LRP1B: variants seen among roughly 807,000 people sequenced by gnomAD.
LRP1B encodes LDL receptor related protein 1B, also known as low-density lipoprotein receptor-related protein 1B.
A neutral mutation model predicts 556.6 loss-of-function variants in LRP1B; 217 were observed. The observed-to-expected ratio is 0.39, with a 90% CI of 0.35 to 0.44. The LOEUF (loss-of-function observed/expected upper bound fraction) is 0.44, where lower values mean the gene tolerates loss of function less well. Ranked by LOEUF, LRP1B falls within the 20% of genes least tolerant of loss-of-function variation. The probability of loss-of-function intolerance (pLI) is 1.00; values close to 1 mark genes in which losing one functional copy is unlikely to be tolerated. For synonymous variants in LRP1B, 2,047 were observed against 1,865.8 expected, an observed-to-expected ratio of 1.10 and a Z score of -2.50; for missense variants, 5,053 against 5,620.8, an observed-to-expected ratio of 0.90 and a Z score of 3.23.
At chr2:140,378,325 T>C (rs1211730779) in intron 67 of LRP1B, 39 bp from the exon 68 acceptor site, 3 of 1,085,848 alleles carry the variant, frequency 2.8e-6, no homozygotes, top group Admixed American at 1.9e-5. Context: ...TTCTATTATA[T>C]GTAAGTGCAT....
Position 141,188,615 on chromosome 2 carries a change from A to T in LRP1B, c.851-32T>A, listed in dbSNP as rs556508869. ...AACACATACACAAAATCATTGAATC[A>T]CAGGTGCAATCTAGCATCATGATCC... On this transcript the variant is annotated intron_variant, in intron 6 of 90. Transcript: ENST00000389484. 9.6e-5 allele frequency: 154 copies of T among 1,596,092 alleles called. 2 individuals carry two copies. In the South Asian group the frequency reaches 1.6e-3, roughly 16 times the overall value.
intron 2 of LRP1B, among the ~76,000 whole-genome samples, chr2:141,528,596 C>G (rs1017605561): frequency 1.3e-5 from 2 of 152,128 alleles, no homozygotes; most frequent in African/African-American, 2.4e-5. Context: ...ATAGTACACA[C>G]AAATATTTCA....
chr2:141,954,977 C>T (rs1701207913), intron 1 of LRP1B, among the ~76,000 whole-genome samples: 1 of 152,006 alleles, frequency 6.6e-6, no homozygotes, highest in East Asian at 1.9e-4. Context: ...GTTCCCATTG[C>T]CCAAATAAAG....
intron 1 of LRP1B, among the ~76,000 whole-genome samples, chr2:142,044,880 A>T (rs1184967734): frequency 6.6e-6 from 1 of 151,798 alleles, no homozygotes; most frequent in Non-Finnish European, 1.5e-5. Context: ...ATACAGATAC[A>T]TGCTAATATC....
At position 140,907,902 on chromosome 2, in the gene LRP1B, A is replaced by G. The variant is rs1424928562; in HGVS notation, c.3495T>C (p.Asp1165=). The G allele has an allele frequency of 6.2e-7, 1 of 1,613,496 alleles. No homozygotes were observed. The highest frequency in any genetic ancestry group is 8.5e-7 in the Non-Finnish European group (1 of 1,179,554). The change falls in exon 22 of 91, where the codon GAT becomes GAC. Residue 1165 remains aspartate, a synonymous_variant. Transcript: ENST00000389484. ...CACAGAGATAGCCTTCATCAGAGCC[A>G]TCAGGACAATCCTTTTTCCCATTGC... ...KLCNGKKDCP[D]GSDEGYLCDE...
chr2:141,423,049 A>G (rs1680200306), intron 3 of LRP1B, among the ~76,000 whole-genome samples: 1 of 152,228 alleles, frequency 6.6e-6, no homozygotes, highest in South Asian at 2.1e-4. Context: ...AGTGGGAAAT[A>G]GGAAGAAGAA....
At chr2:141,739,101 C>T (rs1374370083) in intron 2 of LRP1B, among the ~76,000 whole-genome samples, 1 of 151,996 alleles carries the variant, frequency 6.6e-6, no homozygotes, top group East Asian at 1.9e-4. Flanking sequence ...ATATGTTACC[C>T]TGATGCAAAA....
At chr2:141,319,627 C>G (rs1053096368) in intron 3 of LRP1B, among the ~76,000 whole-genome samples, 1 of 152,006 alleles carries the variant, frequency 6.6e-6, no homozygotes. Flanking sequence ...TTTTATCAAT[C>G]AACTGTAACC....
chr2:140,893,464 G>T (rs570703029), intron 23 of LRP1B, among the ~76,000 whole-genome samples: 2 of 152,284 alleles, frequency 1.3e-5, no homozygotes, highest in Admixed American at 1.3e-4. Flanking sequence ...CTCCTGCTTT[G>T]AGGTCAGGAA....
At chr2:140,517,739 T>C (rs1429003398) in intron 49 of LRP1B, among the ~76,000 whole-genome samples, 1 of 137,166 alleles carries the variant, frequency 7.3e-6, no homozygotes, top group Non-Finnish European at 1.5e-5. Context: ...GAGATGGAGT[T>C]TCACTCTGTC....
intron 11 of LRP1B, among the ~76,000 whole-genome samples, chr2:141,030,243 C>T (rs774231338): frequency 6.6e-6 from 1 of 151,930 alleles, no homozygotes; most frequent in Non-Finnish European, 1.5e-5. Flanking sequence ...ATTGAAATTC[C>T]ACATATATAA....
chr2:140,798,665 T>C (rs1690403407), intron 32 of LRP1B, among the ~76,000 whole-genome samples: 1 of 152,174 alleles, frequency 6.6e-6, no homozygotes, highest in Non-Finnish European at 1.5e-5. Context: ...CTGTGCCTTG[T>C]AGGATATTTA....
intron 3 of LRP1B, among the ~76,000 whole-genome samples, chr2:141,476,200 AT>A (rs751294457): frequency 6.6e-6 from 1 of 152,200 alleles, no homozygotes; most frequent in Non-Finnish European, 1.5e-5. Context: ...TCTGTCGCAC[AT>A]TCTGGGAGGG....
At chr2:140,508,805 C>T (rs1181664355) in intron 52 of LRP1B, among the ~76,000 whole-genome samples, 7 of 152,100 alleles carry the variant, frequency 4.6e-5, no homozygotes, top group Non-Finnish European at 1.0e-4. Flanking sequence ...GTGGTACAAA[C>T]GTGTTAATAT....
chr2:141,481,994 A>G (rs796154802), intron 2 of LRP1B, among the ~76,000 whole-genome samples: 6 of 152,254 alleles, frequency 3.9e-5, no homozygotes, highest in African/African-American at 1.4e-4. Flanking sequence ...TGAAAAAGAA[A>G]GCTCAAAAAT....
At chr2:140,301,756 C>T (rs1307378619) in intron 83 of LRP1B, among the ~76,000 whole-genome samples, 2 of 151,452 alleles carry the variant, frequency 1.3e-5, no homozygotes, top group Admixed American at 1.3e-4. Context: ...TATATATACA[C>T]ATATATGTAT....
intron 1 of LRP1B, among the ~76,000 whole-genome samples, chr2:141,923,677 T>C (rs1352116814): frequency 1.3e-5 from 2 of 151,336 alleles, no homozygotes; most frequent in African/African-American, 4.9e-5. Context: ...AATTCATGAG[T>C]TAAGATCTCC....
chr2:141,309,030 C>T (rs947862015), intron 3 of LRP1B, among the ~76,000 whole-genome samples: 6 of 152,162 alleles, frequency 3.9e-5, no homozygotes, highest in Admixed American at 3.9e-4. Flanking sequence ...AATCCAGCTT[C>T]AAATTGAGGA....
Position 140,501,798 on chromosome 2 carries a change from C to T in LRP1B, c.8739G>A (p.Lys2913=), listed in dbSNP as rs768308187. 1.1e-5 allele frequency: 18 copies of T among 1,612,844 alleles called. No individual in the cohort carries two copies. Among genetic ancestry groups the T allele is most frequent in the Non-Finnish European group, 1.4e-5 (17 of 1,179,248 alleles). Residue 2913 remains lysine, a synonymous_variant, in exon 55 of 91, where the codon AAG becomes AAA. Coordinates refer to ENST00000389484, the MANE Select transcript of LRP1B (RefSeq NM_018557.3). Reference sequence around the variant, plus strand: ...CATCTGAACCATCGCCACAGTCATCCTTATTGTCGCAAAGACCTCCACTGG... The same window carrying T: ...CATCTGAACCATCGCCACAGTCATCTTTATTGTCGCAAAGACCTCCACTGG... ...CIPSGGLCDN[K]DDCGDGSDER...
Sources: gnomAD v4.1 joint callset for allele counts (sites outside exome capture counted in the v4.1 genomes callset) on GRCh38, gnomAD v4.1.1 for gene constraint, MANE v1.5 for transcripts, NCBI Gene and HGNC (gene_info 2026-07-23, HGNC 2026-07-21) for gene names.